The following JMJD1C variants were observed in gnomAD, a reference collection of about 807,000 sequenced individuals.
JMJD1C encodes jumonji domain-containing protein 1C.
A neutral mutation model predicts 245.3 loss-of-function variants in JMJD1C; 31 were observed. The observed-to-expected ratio is 0.13, with a 90% confidence interval of 0.09 to 0.17. The LOEUF (loss-of-function observed/expected upper bound fraction) is 0.17. Ranked by LOEUF, JMJD1C falls within the 10% of genes least tolerant of loss-of-function variation. The probability of loss-of-function intolerance (pLI) is 1.00; values close to 1 mark genes in which losing one functional copy is unlikely to be tolerated. For missense variants in JMJD1C, 2,691 were observed against 3,000.2 expected, an observed-to-expected ratio of 0.90 and a Z score of 2.41; for synonymous variants, 1,057 against 1,017.4, an observed-to-expected ratio of 1.04 and a Z score of -0.74.
rs369080397 is a variant in JMJD1C at position 63,214,881 on chromosome 10, T to C, written c.1286A>G (p.Asn429Ser). ...TATTTGATCCCAGGGAGGCTGGCTATTTTTTAGGGTCTCTTCTCCTGCCTT... is the reference window on the plus strand; with the variant it reads ...TATTTGATCCCAGGGAGGCTGGCTACTTTTTAGGGTCTCTTCTCCTGCCTT... The part of the protein sequence containing the change: ...NEKAGEETLK[N>S]SQPPWDQIQE... Residue 429 changes from asparagine (N) to serine (S), a missense_variant, in exon 8 of 26, where the codon AAT becomes AGT. This residue lies in a region of JMJD1C where 1,562 missense variants were observed against 1,490.7 expected (regional missense o/e 1.05). Coordinates refer to ENST00000399262, the MANE Select transcript of JMJD1C (RefSeq NM_032776.3). 4 of 1,613,696 alleles carry C rather than the reference T, an allele frequency of 2.5e-6. No homozygotes were observed. The highest frequency in any genetic ancestry group is 2.5e-6 in the Non-Finnish European group (3 of 1,179,872).
chr10:63,382,542 T>C (rs1387033050), intron 1 of JMJD1C, among the ~76,000 whole-genome samples: 2 of 151,982 alleles, frequency 1.3e-5, no homozygotes, highest in Non-Finnish European at 2.9e-5. Context: ...AGGATGAAAA[T>C]ATCTAAATAT....
chr10:63,306,347 C>T (rs1564762583), intron 2 of JMJD1C, among the ~76,000 whole-genome samples: 1 of 152,162 alleles, frequency 6.6e-6, no homozygotes, highest in African/African-American at 2.4e-5. Context: ...GTCTTGGCCT[C>T]CCAAAGTACT....
At chr10:63,366,496 G>A (rs558986810) in intron 2 of JMJD1C, among the ~76,000 whole-genome samples, 1 of 152,288 alleles carries the variant, frequency 6.6e-6, no homozygotes, top group African/African-American at 2.4e-5. Context: ...CAAACCTGAG[G>A]TTGGTTTTGG....
intron 3 of JMJD1C, among the ~76,000 whole-genome samples, chr10:63,244,721 G>A (rs1177303825): frequency 1.4e-5 from 2 of 147,350 alleles, no homozygotes; most frequent in African/African-American, 2.5e-5. Context: ...CGCACCTATC[G>A]TCCTCAAGAG....
chr10:63,430,690 T>C (rs1201987654), intron 1 of JMJD1C, among the ~76,000 whole-genome samples: 1 of 152,202 alleles, frequency 6.6e-6, no homozygotes, highest in African/African-American at 2.4e-5. Flanking sequence ...TGTGGTATAC[T>C]ACAAATCAAT....
chr10:63,202,073 G>T (rs1846079429), intron 10 of JMJD1C, among the ~76,000 whole-genome samples: 1 of 151,704 alleles, frequency 6.6e-6, no homozygotes, highest in Non-Finnish European at 1.5e-5. Flanking sequence ...TGGCCAATAG[G>T]TGAAACCCTG....
chr10:63,197,257 T>C (rs926031588), intron 13 of JMJD1C, among the ~76,000 whole-genome samples, 154 bp downstream of exon 13: 1 of 152,118 alleles, frequency 6.6e-6, no homozygotes, highest in Non-Finnish European at 1.5e-5. Context: ...GTTAATAAAC[T>C]GTGGTTACTT....
chr10:63,429,014 CTT>C (rs555133500), intron 1 of JMJD1C, among the ~76,000 whole-genome samples: 12 of 152,212 alleles, frequency 7.9e-5, no homozygotes, highest in East Asian at 7.7e-4. Context: ...GAATTTCACT[CTT>C]GTTACCCAGG....
At chr10:63,225,727 T>C (rs1050407579) in intron 3 of JMJD1C, among the ~76,000 whole-genome samples, 1 of 148,760 alleles carries the variant, frequency 6.7e-6, no homozygotes, top group Non-Finnish European at 1.5e-5. Flanking sequence ...TGCAGTGAGC[T>C]GAGATGGCGC....
intron 2 of JMJD1C, among the ~76,000 whole-genome samples, chr10:63,314,427 G>A (rs1195498887): frequency 6.6e-6 from 1 of 152,168 alleles, no homozygotes; most frequent in East Asian, 1.9e-4. Flanking sequence ...AGCCATAGTG[G>A]CACACACCTG....
intron 3 of JMJD1C, among the ~76,000 whole-genome samples, chr10:63,237,625 G>A (rs976249754): frequency 1.3e-5 from 2 of 152,138 alleles, no homozygotes; most frequent in African/African-American, 4.8e-5. Flanking sequence ...GGTCTTTGTA[G>A]AGCAATTACA....
At chr10:63,420,975 A>G (rs572684539) in intron 1 of JMJD1C, among the ~76,000 whole-genome samples, 1 of 152,192 alleles carries the variant, frequency 6.6e-6, no homozygotes, top group African/African-American at 2.4e-5. Context: ...TGGTGAGACT[A>G]AAAAAATCCC....
chr10:63,349,839 C>T (rs981000157), intron 2 of JMJD1C, among the ~76,000 whole-genome samples: 1 of 152,118 alleles, frequency 6.6e-6, no homozygotes, highest in Admixed American at 6.5e-5. Context: ...TTTTGTAATA[C>T]TGTAAATTCA....
chr10:63,269,829 T>C (rs1271992458), intron 2 of JMJD1C, among the ~76,000 whole-genome samples: 1 of 152,226 alleles, frequency 6.6e-6, no homozygotes, highest in Non-Finnish European at 1.5e-5. Flanking sequence ...ATGTGTTATA[T>C]AATATAGTCT....
intron 1 of JMJD1C, among the ~76,000 whole-genome samples, chr10:63,393,856 A>C (rs2134630301): frequency 6.6e-6 from 1 of 152,288 alleles, no homozygotes; most frequent in Non-Finnish European, 1.5e-5. Flanking sequence ...TGCACAGTTC[A>C]CATTACCTGG....
At chr10:63,322,088 C>G (rs555195771) in intron 2 of JMJD1C, among the ~76,000 whole-genome samples, 1 of 152,126 alleles carries the variant, frequency 6.6e-6, no homozygotes, top group African/African-American at 2.4e-5. Flanking sequence ...GAGGATTTTC[C>G]CCCAAAGCTT....
chr10:63,417,041 A>C (rs1949849246), intron 1 of JMJD1C, among the ~76,000 whole-genome samples: 1 of 152,230 alleles, frequency 6.6e-6, no homozygotes, highest in Non-Finnish European at 1.5e-5. Flanking sequence ...GAGTTTACAC[A>C]AGAAGTTACA....
chr10:63,477,441 G>C (rs937568946), intron 1 of JMJD1C, among the ~76,000 whole-genome samples: 1 of 151,322 alleles, frequency 6.6e-6, no homozygotes, highest in South Asian at 2.1e-4. Context: ...TCCAGAAATA[G>C]ACCCATACTT....
upstream of JMJD1C, among the ~76,000 whole-genome samples, chr10:63,468,473 T>G (rs1291105383): frequency 2.0e-5 from 3 of 152,226 alleles, no homozygotes; most frequent in Non-Finnish European, 4.4e-5. Context: ...TTTTTCAAGT[T>G]GGTTTTGAAA....
Sources: allele counts gnomAD v4.1 joint callset (sites outside exome capture counted in the v4.1 genomes callset), GRCh38; gene constraint gnomAD v4.1.1; regional missense constraint gnomAD v4.1.1; transcripts MANE v1.5; gene names NCBI Gene and HGNC (gene_info 2026-07-23, HGNC 2026-07-21).